ZHX3: variants seen among roughly 807,000 people sequenced by gnomAD.
ZHX3 encodes the protein zinc fingers and homeoboxes protein 3.
In ZHX3, 20 loss-of-function variants were observed where a neutral mutation model predicts 64.5. That is an observed-to-expected ratio of 0.31 (90% CI 0.22 to 0.45). The LOEUF (loss-of-function observed/expected upper bound fraction) is 0.45, where lower values mean the gene tolerates loss of function less well. Ranked by LOEUF, ZHX3 falls within the 20% of genes least tolerant of loss-of-function variation. ZHX3 has a pLI of 1.00. For missense variants in ZHX3, 1,041 were observed against 1,195.8 expected (o/e 0.87, Z 1.91); for synonymous variants, 423 against 461.6 (o/e 0.92, Z 1.07).
In ZHX3 at chr20:41,217,581, G is replaced by T. The variant is rs146451620; in HGVS notation, c.-150-12515C>A. ...ATCAGATGCAGCCACCCACCCTACT[G>T]CTGCCCAAGCCAATCCTAAGTAAAT... On this transcript the variant is annotated intron_variant, in intron 2 of 3. Transcript: ENST00000683867. Among the ~76,000 whole-genome samples, 152 of 152,234 alleles carry T rather than the reference G, an allele frequency of 1.0e-3. 1 individual carries two copies. The highest frequency in any genetic ancestry group is 3.3e-3 in the African/African-American group (139 of 41,532).
intron 2 of ZHX3, chr20:41,267,344 G>A (rs1175009741): frequency 2.6e-5 from 4 of 152,194 alleles, no homozygotes; most frequent in Non-Finnish European, 4.4e-5. Context: ...TACAGTTTAA[G>A]ATACTTCCTC....
At chr20:41,300,823 CT>C (rs2044773069) in intron 1 of ZHX3, among the ~76,000 whole-genome samples, 4 of 152,154 alleles carry the variant, frequency 2.6e-5, no homozygotes, top group Non-Finnish European at 5.9e-5. Flanking sequence ...GGCCTAAGGA[CT>C]TGGGGACCAG....
intron 1 of ZHX3, among the ~76,000 whole-genome samples, chr20:41,286,264 G>GT (rs1400483008): frequency 1.3e-5 from 2 of 152,048 alleles, no homozygotes; most frequent in Non-Finnish European, 2.9e-5. Context: ...TTCCTAAGGG[G>GT]TTTTTTAGCA....
chr20:41,235,897 T>C (rs1600452911), intron 2 of ZHX3, among the ~76,000 whole-genome samples: 3 of 152,284 alleles, frequency 2.0e-5, no homozygotes, highest in East Asian at 1.9e-4. Flanking sequence ...AAAATCTCCT[T>C]AAGCTGATAA....
chr20:41,196,485 TAAATATATATTATATATTATAA>T lies in ZHX3; in HGVS notation c.2860+5550_2860+5571del, dbSNP rs1446260944. On this transcript the variant is annotated intron_variant, in intron 3 of 3. Transcript: ENST00000683867. ...ATATATAATATATATTTATATATTA[TAAATATATATTATATATTATAA>T]ATATATATTATATATTATATATTAT... Among the ~76,000 whole-genome samples the T allele has an allele frequency of 6.2e-5, 5 of 80,078 alleles. 1 individual carries two copies. Among genetic ancestry groups the T allele is most frequent in the Non-Finnish European group, 1.1e-4 (5 of 44,942 alleles). The allele number at this position is 80,078 out of a possible 152,430, so 52.5% of individuals were successfully genotyped here. A position where few individuals can be genotyped will look rare whatever the true frequency, so the allele number is the denominator to read the frequency against.
At chr20:41,302,053 CAAAAAA>C (rs555883542) in intron 1 of ZHX3, among the ~76,000 whole-genome samples, 65 of 62,360 alleles carry the variant, frequency 1.0e-3, no homozygotes, top group African/African-American at 3.2e-3. Context: ...GACTCCATCT[CAAAAAA>C]AAAAAAAAAA....
At chr20:41,211,644 T>C (rs1264866466) in intron 2 of ZHX3, among the ~76,000 whole-genome samples, 1 of 152,244 alleles carries the variant, frequency 6.6e-6, no homozygotes, top group Admixed American at 6.5e-5. Flanking sequence ...AACCTTTTTG[T>C]TACACAAGCT....
intron 2 of ZHX3, among the ~76,000 whole-genome samples, chr20:41,263,153 T>A (rs2042644615): frequency 1.3e-5 from 2 of 152,100 alleles, no homozygotes; most frequent in Non-Finnish European, 2.9e-5. Context: ...TAAATTCCCA[T>A]ATAAGATATA....
chr20:41,191,994 G>T (rs897399745), intron 3 of ZHX3, among the ~76,000 whole-genome samples: 11 of 152,204 alleles, frequency 7.2e-5, no homozygotes, highest in Admixed American at 4.6e-4. Flanking sequence ...GGCTTACTCA[G>T]ATGTCAGTAG....
chr20:41,235,109 G>A (rs1419073754), intron 2 of ZHX3, among the ~76,000 whole-genome samples: 1 of 152,098 alleles, frequency 6.6e-6, no homozygotes, highest in Non-Finnish European at 1.5e-5. Context: ...TGCTGTACTT[G>A]CAGCAAACTC....
At chr20:41,255,518 C>G (rs1265633997) in intron 2 of ZHX3, among the ~76,000 whole-genome samples, 1 of 152,142 alleles carries the variant, frequency 6.6e-6, no homozygotes, top group Admixed American at 6.6e-5. Flanking sequence ...TTATATCAAC[C>G]AGTAACTTTT....
rs2039817104 is a variant in ZHX3 at position 41,219,874 on chromosome 20, G to A, written c.-150-14808C>T. Reference sequence around the variant, plus strand: ...TGCCTCACTATTTATTCTCTGGCCTGCAACTGGTTATGTTCCAGATGGCGG... The same window carrying A: ...TGCCTCACTATTTATTCTCTGGCCTACAACTGGTTATGTTCCAGATGGCGG... On this transcript the variant is annotated intron_variant, in intron 2 of 3. Transcript: ENST00000683867. This position sits in a 1 kb window ranked among gnomAD's most constrained non-coding sequence, Gnocchi z 5.0. 6.6e-6 allele frequency among the ~76,000 whole-genome samples: 1 copy of A among 152,240 alleles called. No homozygotes were observed. Among genetic ancestry groups the A allele is most frequent in the Admixed American group, 6.5e-5 (1 of 15,276 alleles).
intron 2 of ZHX3, among the ~76,000 whole-genome samples, chr20:41,238,068 A>C (rs2041131345): frequency 6.6e-6 from 1 of 152,212 alleles, no homozygotes; most frequent in Admixed American, 6.5e-5. Flanking sequence ...TAAATACATC[A>C]GTTACAGTTC....
chr20:41,292,905 G>C (rs2044321099), intron 1 of ZHX3, among the ~76,000 whole-genome samples: 1 of 152,192 alleles, frequency 6.6e-6, no homozygotes. Flanking sequence ...AGTATGTTGG[G>C]TAACAGCTTG....
At chr20:41,192,720 T>C (rs1265347872) in intron 3 of ZHX3, among the ~76,000 whole-genome samples, 2 of 152,230 alleles carry the variant, frequency 1.3e-5, no homozygotes, top group East Asian at 1.9e-4. Flanking sequence ...CAGGACAGTG[T>C]ACAGTCTTTT....
intron 2 of ZHX3, among the ~76,000 whole-genome samples, chr20:41,255,870 T>C (rs2146533807): frequency 6.6e-6 from 1 of 152,300 alleles, no homozygotes; most frequent in Non-Finnish European, 1.5e-5. Context: ...CAGAGATTAC[T>C]ATGCCTTGGT....
chr20:41,271,625 G>C (rs2043153698), intron 1 of ZHX3, among the ~76,000 whole-genome samples: 1 of 152,084 alleles, frequency 6.6e-6, no homozygotes, highest in African/African-American at 2.4e-5. Context: ...CTGACTGTGG[G>C]CCAGAAGCAA....
intron 3 of ZHX3, among the ~76,000 whole-genome samples, chr20:41,191,640 G>A (rs1037387870): frequency 3.9e-5 from 6 of 152,022 alleles, no homozygotes; most frequent in Non-Finnish European, 7.4e-5. Flanking sequence ...CTAATTTTTT[G>A]CATTTGCATT....
chr20:41,205,269 C>A (rs1466102692), intron 2 of ZHX3, among the ~76,000 whole-genome samples: 1 of 152,058 alleles, frequency 6.6e-6, no homozygotes, highest in Non-Finnish European at 1.5e-5. Context: ...GGGGATGGTC[C>A]AATACCAACT....
Sources: allele counts gnomAD v4.1 joint callset (sites outside exome capture counted in the v4.1 genomes callset), GRCh38; gene constraint gnomAD v4.1.1; non-coding constraint Gnocchi (gnomAD v3.1); transcripts MANE v1.5; gene names NCBI Gene and HGNC (gene_info 2026-07-23, HGNC 2026-07-21).